The following TANC1 variants were observed in gnomAD, a reference collection of about 807,000 sequenced individuals.
TANC1 encodes the protein protein TANC1.
A neutral mutation model predicts 149.7 loss-of-function variants in TANC1; 77 were observed. The ratio of observed to expected loss-of-function variants is 0.51; its 90% confidence interval spans 0.43 to 0.62. The LOEUF is 0.62. Among genes scored for constraint, TANC1 ranks in the 20% least tolerant of loss-of-function variants. The probability of loss-of-function intolerance (pLI) is 0.00; values close to 1 mark genes in which losing one functional copy is unlikely to be tolerated. For synonymous variants in TANC1, 854 were observed against 925.0 expected (o/e 0.92, Z 1.39); for missense variants, 1,985 against 2,321.8 (o/e 0.85, Z 2.98).
At chr2:158,974,418 C>G (rs1055953129) in intron 1 of TANC1, among the ~76,000 whole-genome samples, 3 of 152,168 alleles carry the variant, frequency 2.0e-5, no homozygotes, top group Admixed American at 2.0e-4. Flanking sequence ...TATGCATACC[C>G]TCATATATAT....
chr2:159,155,683 T>G (rs1429598043), intron 7 of TANC1, among the ~76,000 whole-genome samples: 4 of 152,254 alleles, frequency 2.6e-5, no homozygotes, highest in African/African-American at 9.6e-5. Context: ...TGAATGCCTT[T>G]CCTTTGCTTT....
At chr2:159,004,387 T>G in intron 2 of TANC1, 3 of 1,267,796 alleles carry the variant, frequency 2.4e-6, no homozygotes, top group Non-Finnish European at 3.5e-6. Flanking sequence ...TTCCAAAGTT[T>G]TACAGACACA....
intron 4 of TANC1, among the ~76,000 whole-genome samples, chr2:159,125,674 C>T (rs1416436483): frequency 6.7e-6 from 1 of 150,130 alleles, no homozygotes; most frequent in Non-Finnish European, 1.5e-5. Flanking sequence ...ACTGCAACCT[C>T]CGACTCCCGG....
chr2:159,050,325 G>A (rs534727250), intron 2 of TANC1, among the ~76,000 whole-genome samples: 10 of 152,314 alleles, frequency 6.6e-5, no homozygotes, highest in African/African-American at 1.9e-4. Flanking sequence ...GGACTCAAGT[G>A]ATTCTCCTAC....
intron 4 of TANC1, among the ~76,000 whole-genome samples, chr2:159,116,500 A>G (rs946487865): frequency 6.6e-6 from 1 of 152,094 alleles, no homozygotes; most frequent in Non-Finnish European, 1.5e-5. Context: ...AAATATGGCA[A>G]TTGATGACCT....
At chr2:159,013,983 T>A (rs1017988941) in intron 2 of TANC1, among the ~76,000 whole-genome samples, 1 of 152,164 alleles carries the variant, frequency 6.6e-6, no homozygotes, top group African/African-American at 2.4e-5. Context: ...TCTGTGCCTA[T>A]GTCCAAATTT....
chr2:159,204,086 C>G (rs2058443293), intron 19 of TANC1, among the ~76,000 whole-genome samples: 1 of 152,228 alleles, frequency 6.6e-6, no homozygotes, highest in Admixed American at 6.5e-5. Flanking sequence ...TTTAAAATCT[C>G]ATCTTAATTT....
intron 25 of TANC1, 86 bp downstream of exon 25, chr2:159,228,051 A>G (rs1292338601): frequency 1.4e-6 from 2 of 1,448,702 alleles, no homozygotes; most frequent in Non-Finnish European, 9.3e-7. Flanking sequence ...TCCAGACCAG[A>G]TCCTGGGCCC....
intron 9 of TANC1, 90 bp downstream of exon 9, chr2:159,169,462 T>G: frequency 7.4e-7 from 1 of 1,350,412 alleles, no homozygotes; most frequent in Admixed American, 1.8e-5. Context: ...TGAAGCCAAC[T>G]GTGTTTATAA....
At chr2:159,027,049 G>A (rs189949697) in intron 2 of TANC1, 1 of 151,384 alleles carries the variant, frequency 6.6e-6, no homozygotes, top group East Asian at 1.9e-4. Flanking sequence ...AACATGGAAT[G>A]CTTCATGAAT....
chr2:159,025,189 T>TTTTCTTTCC (rs2039187232), intron 2 of TANC1, among the ~76,000 whole-genome samples: 1 of 105,222 alleles, frequency 9.5e-6, no homozygotes, highest in Non-Finnish European at 1.9e-5. Flanking sequence ...TTTTTCTTTC[T>TTTTCTTTCC]TTTCTTTCTT....
intron 1 of TANC1, among the ~76,000 whole-genome samples, chr2:158,995,718 C>T (rs2036070593): frequency 6.6e-6 from 1 of 152,214 alleles, no homozygotes; most frequent in Non-Finnish European, 1.5e-5. Flanking sequence ...TTAAACCCTA[C>T]ATTTCTCAGG....
intron 5 of TANC1, among the ~76,000 whole-genome samples, chr2:159,136,793 A>AG (rs1443374783): frequency 2.0e-5 from 3 of 151,512 alleles, no homozygotes; most frequent in African/African-American, 7.3e-5. Flanking sequence ...AGGAGCAAAA[A>AG]AAAAAAAAAA....
chr2:159,170,601 T>C lies in TANC1; in HGVS notation c.1147T>C (p.Ser383Pro). Residue 383 changes from serine (S) to proline (P), a missense_variant, in exon 10 of 27, where the codon TCT (serine) becomes CCT (proline). Physicochemically the swap from Ser to Pro is moderately conservative, Grantham distance 74 (BLOSUM62 -1). This residue lies in a region of TANC1 where 557 missense variants were observed against 612.9 expected (regional missense o/e 0.91). Coordinates refer to ENST00000263635, the MANE Select transcript of TANC1 (RefSeq NM_033394.3). The part of the protein sequence containing the change: ...LFEVPSITTD[S>P]VFVGRDWLFH... Reference sequence around the variant, plus strand: ...TGAAGTACCAAGCATAACAACAGACTCTGTGTTTGTGGGAAGGGATTGGCT... The same window carrying C: ...TGAAGTACCAAGCATAACAACAGACCCTGTGTTTGTGGGAAGGGATTGGCT... 1 of 1,614,178 alleles carries C rather than the reference T, an allele frequency of 6.2e-7. No individual in the cohort carries two copies. The highest frequency in any genetic ancestry group is 1.1e-5 in the South Asian group (1 of 91,070).
chr2:159,143,551 C>CA lies in TANC1; in HGVS notation c.365-5558dup, dbSNP rs56992262. On this transcript the variant is annotated intron_variant, in intron 5 of 26. Coordinates refer to ENST00000263635, the MANE Select transcript of TANC1 (RefSeq NM_033394.3). ...TGAGTAACATAGCAAGACCCCATCT[C>CA]AAAAAAAAAAAAAAAAAAAAAAAAA... Among the ~76,000 whole-genome samples the CA allele has an allele frequency of 1.7e-3, 114 of 67,296 alleles. 1 individual carries two copies. The highest frequency in any genetic ancestry group is 7.7e-3 in the South Asian group (8 of 1,040). The allele number at this position is 67,296 out of a possible 152,430, so 44.1% of individuals were successfully genotyped here. A position where few individuals can be genotyped will look rare whatever the true frequency, so the allele number is the denominator to read the frequency against.
intron 3 of TANC1, among the ~76,000 whole-genome samples, chr2:159,067,791 C>CT (rs2042798760): frequency 6.6e-6 from 1 of 152,162 alleles, no homozygotes; most frequent in African/African-American, 2.4e-5. Context: ...CAAAACAGGC[C>CT]TACCATCCTC....
intron 2 of TANC1, among the ~76,000 whole-genome samples, chr2:159,009,256 A>G (rs954162695): frequency 1.3e-5 from 2 of 152,198 alleles, no homozygotes; most frequent in South Asian, 2.1e-4. Flanking sequence ...CAACCCCACT[A>G]CTGAGTATAT....
chr2:158,992,685 T>A (rs2035765227), intron 1 of TANC1, among the ~76,000 whole-genome samples: 1 of 145,616 alleles, frequency 6.9e-6, no homozygotes, highest in African/African-American at 2.5e-5. Flanking sequence ...TTTTTTTTTT[T>A]TTTTTTTTGT....
At position 159,230,855 on chromosome 2, in the gene TANC1, T is replaced by A; in HGVS notation, c.5429T>A (p.Ile1810Asn). 1 of 1,614,218 alleles carries A rather than the reference T, an allele frequency of 6.2e-7. No homozygotes were observed. Among genetic ancestry groups the A allele is most frequent in the South Asian group, 1.1e-5 (1 of 91,088 alleles). Residue 1810 changes from isoleucine to asparagine, a missense_variant, in exon 27 of 27, where the codon ATT (isoleucine) becomes AAT (asparagine). By Grantham distance (149) the Ile-to-Asn change is moderately radical (BLOSUM62 -3). This residue lies in a region of TANC1 where 920 missense variants were observed against 994.7 expected (regional missense o/e 0.92). Coordinates refer to ENST00000263635, the MANE Select transcript of TANC1 (RefSeq NM_033394.3). This position sits in a 1 kb window ranked among gnomAD's most constrained non-coding sequence, Gnocchi z 4.4. Reference sequence around the variant, plus strand: ...GAGCTAGAAGAAAGCAAGTGCCAAATTCCAGTCCACTCTCAAGAGAACAGG... The same window carrying A: ...GAGCTAGAAGAAAGCAAGTGCCAAAATCCAGTCCACTCTCAAGAGAACAGG... ...VKELEESKCQIPVHSQENRIT... is the reference protein window; with the variant it reads ...VKELEESKCQNPVHSQENRIT...
Sources: allele counts gnomAD v4.1 joint callset (sites outside exome capture counted in the v4.1 genomes callset), GRCh38; gene constraint gnomAD v4.1.1; regional missense constraint gnomAD v4.1.1; non-coding constraint Gnocchi (gnomAD v3.1); transcripts MANE v1.5; gene names NCBI Gene and HGNC (gene_info 2026-07-23, HGNC 2026-07-21).